The following IQUB variants were observed in gnomAD, a reference collection of about 807,000 sequenced individuals.
IQUB encodes the protein IQ motif and ubiquitin domain containing, also known as IQ motif and ubiquitin-like domain-containing protein.
IQUB carries 86 observed loss-of-function variants against 86.4 expected under a neutral mutation model. The observed-to-expected ratio is 1.00, with a 90% confidence interval of 0.84 to 1.19. IQUB has a LOEUF of 1.19. Among genes scored for constraint, IQUB ranks in the 50% most tolerant of loss-of-function variants. The pLI is 0.00. For missense variants in IQUB, 946 were observed against 916.9 expected, an observed-to-expected ratio of 1.03 and a Z score of -0.41; for synonymous variants, 289 against 304.5, an observed-to-expected ratio of 0.95 and a Z score of 0.53.
intron 7 of IQUB, among the ~76,000 whole-genome samples, chr7:123,482,180 T>C (rs1257162864): frequency 1.3e-5 from 2 of 152,066 alleles, no homozygotes; most frequent in African/African-American, 4.8e-5. Context: ...CCATCAAATA[T>C]GTTTTTAAAA....
chr7:123,461,082 G>A (rs1261617333), intron 11 of IQUB, among the ~76,000 whole-genome samples: 1 of 151,274 alleles, frequency 6.6e-6, no homozygotes, highest in East Asian at 1.9e-4. Context: ...GTAAACACTA[G>A]TATGTGTATA....
intron 1 of IQUB, among the ~76,000 whole-genome samples, chr7:123,529,762 G>T (rs1797439880): frequency 7.1e-6 from 1 of 141,088 alleles, no homozygotes; most frequent in South Asian, 2.2e-4. Flanking sequence ...CAGGCTAGGT[G>T]CGGTGGCTCA....
chr7:123,472,378 C>T (rs1794565059), intron 8 of IQUB, among the ~76,000 whole-genome samples: 1 of 152,104 alleles, frequency 6.6e-6, no homozygotes, highest in African/African-American at 2.4e-5. Flanking sequence ...GTTTACTATA[C>T]ATTAATCAAT....
At chr7:123,483,637 G>T (rs2117095611) in intron 7 of IQUB, among the ~76,000 whole-genome samples, 1 of 152,132 alleles carries the variant, frequency 6.6e-6, no homozygotes, top group Non-Finnish European at 1.5e-5. Context: ...ATGTTTCCCT[G>T]CCTCTCCTTG....
In IQUB at chr7:123,455,385, C is replaced by A. The variant is rs1426898195; in HGVS notation, c.2193+1996G>T. Among the ~76,000 whole-genome samples the A allele has an allele frequency of 2.0e-5, 3 of 152,088 alleles. No individual in the cohort carries two copies. The East Asian group carries it at 5.8e-4, about 29-fold the overall frequency. Reference sequence around the variant, plus strand: ...ACAAATCTCTCCCTGTTCCCTCAACCTCTGAGACCTTTACTTTCTACATTA... The same window carrying A: ...ACAAATCTCTCCCTGTTCCCTCAACATCTGAGACCTTTACTTTCTACATTA... On this transcript the variant is annotated intron_variant, in intron 12 of 12. Coordinates refer to ENST00000324698, the MANE Select transcript of IQUB (RefSeq NM_178827.5).
intron 1 of IQUB, chr7:123,532,929 GC>G (rs1485884808): frequency 2.0e-5 from 3 of 152,362 alleles, no homozygotes; most frequent in African/African-American, 7.2e-5. Flanking sequence ...GCGGCTGGGG[GC>G]GGAGGCCGGC....
chr7:123,496,980 T>C (rs1795734001), intron 6 of IQUB, 74 bp from the exon 7 acceptor site: 1 of 855,102 alleles, frequency 1.2e-6, no homozygotes, highest in South Asian at 2.0e-5. Context: ...GCAATGATGA[T>C]TATTTCAATT....
rs376379056 is a variant in IQUB, at chr7:123,496,868, A to T, written c.1062T>A (p.Ala354=). The part of the protein sequence containing the change: ...VIQTYYRQWH[A]KIFVENLRRQ... Reference sequence around the variant, plus strand: ...TTCTTAAATTCTCTACGAAGATTTTAGCATGCCATTGCCTGTAGTAAGTCT... The same window carrying T: ...TTCTTAAATTCTCTACGAAGATTTTTGCATGCCATTGCCTGTAGTAAGTCT... Residue 354 remains alanine (A), a synonymous_variant, in exon 7 of 13, where the codon GCT becomes GCA. Transcript: ENST00000324698. 3.1e-6 allele frequency: 5 copies of T among 1,612,346 alleles called. 1 individual carries two copies. The South Asian group carries it at 5.5e-5, about 18-fold the overall frequency.
chr7:123,493,012 A>G (rs375177759), intron 7 of IQUB, among the ~76,000 whole-genome samples: 2 of 152,306 alleles, frequency 1.3e-5, no homozygotes, highest in East Asian at 3.9e-4. Flanking sequence ...ATAGAAAACA[A>G]AGATACATCT....
At chr7:123,461,167 G>A in intron 11 of IQUB, among the ~76,000 whole-genome samples, 190 bp downstream of exon 11, 1 of 151,600 alleles carries the variant, frequency 6.6e-6, no homozygotes, top group Non-Finnish European at 1.5e-5. Flanking sequence ...ACTTGGTACT[G>A]TATTAGGTTA....
chr7:123,486,753 T>C (rs1795227384), intron 7 of IQUB, among the ~76,000 whole-genome samples: 1 of 152,220 alleles, frequency 6.6e-6, no homozygotes, highest in South Asian at 2.1e-4. Flanking sequence ...GACTACACTA[T>C]ACTCTTGAGG....
chr7:123,533,292 AT>A (rs978944646), intron 1 of IQUB, among the ~76,000 whole-genome samples: 8 of 152,218 alleles, frequency 5.3e-5, no homozygotes, highest in Non-Finnish European at 1.2e-4. Flanking sequence ...CAGAATTAGA[AT>A]GGACAAGTCA....
intron 1 of IQUB, among the ~76,000 whole-genome samples, chr7:123,516,597 A>C (rs540805164): frequency 4.3e-4 from 65 of 152,308 alleles, no homozygotes; most frequent in African/African-American, 1.5e-3. Flanking sequence ...ATATATATTC[A>C]TGTTTGTTTC....
intron 1 of IQUB, among the ~76,000 whole-genome samples, chr7:123,527,654 A>G (rs888480924): frequency 1.4e-4 from 22 of 152,146 alleles, no homozygotes; most frequent in African/African-American, 4.3e-4. Context: ...GACCCACTTG[A>G]GGAGGCAGTC....
Position 123,499,109 on chromosome 7 carries a change from CCTTTTTTT to C in IQUB, c.1024-2211_1024-2204del, listed in dbSNP as rs568210441. Among the ~76,000 whole-genome samples the C allele has an allele frequency of 3.0e-4, 45 of 151,928 alleles. No homozygotes were observed. In the South Asian group the frequency reaches 7.7e-3, roughly 26 times the overall value. On this transcript the variant is annotated intron_variant, in intron 6 of 12. Coordinates refer to ENST00000324698, the MANE Select transcript of IQUB (RefSeq NM_178827.5). The stretch of plus-strand genomic sequence containing the variant: ...TAAATCCCAGCATTCCAAAATGTTT[CCTTTTTTT>C]CTTTTTTTCTTTTTAGGCGAAGTCT...
chr7:123,457,036 C>G, intron 12 of IQUB: 2 of 297,058 alleles, frequency 6.7e-6, no homozygotes, highest in Non-Finnish European at 9.9e-6. Flanking sequence ...CTTATAAACT[C>G]CATTCTGTGA....
chr7:123,477,728 C>T (rs1319191471), intron 8 of IQUB, among the ~76,000 whole-genome samples: 1 of 152,108 alleles, frequency 6.6e-6, no homozygotes, highest in African/African-American at 2.4e-5. Flanking sequence ...CTACACAGAA[C>T]TTAAACAAAT....
chr7:123,490,950 G>A (rs1408781456), intron 7 of IQUB, among the ~76,000 whole-genome samples: 4 of 147,446 alleles, frequency 2.7e-5, no homozygotes, highest in Admixed American at 1.4e-4. Flanking sequence ...GGCAACAAGA[G>A]CAAAACACCA....
intron 3 of IQUB, among the ~76,000 whole-genome samples, chr7:123,505,727 T>C (rs186123113): frequency 2.8e-4 from 43 of 152,348 alleles, no homozygotes; most frequent in African/African-American, 1.0e-3. Flanking sequence ...GGGGCTGCCA[T>C]GAAGGTCTCT....
Sources: gnomAD v4.1 joint callset for allele counts (sites outside exome capture counted in the v4.1 genomes callset) on GRCh38, gnomAD v4.1.1 for gene constraint, MANE v1.5 for transcripts, NCBI Gene and HGNC (gene_info 2026-07-23, HGNC 2026-07-21) for gene names.